The following ARHGAP31 variants were observed in gnomAD, a reference collection of about 807,000 sequenced individuals.
ARHGAP31 encodes the protein Rho GTPase activating protein 31.
A neutral mutation model predicts 113.9 loss-of-function variants in ARHGAP31; 34 were observed. The ratio of observed to expected loss-of-function variants is 0.30; its 90% CI spans 0.23 to 0.40. The LOEUF (loss-of-function observed/expected upper bound fraction) is 0.40, where lower values mean the gene tolerates loss of function less well. Ranked by LOEUF, ARHGAP31 falls within the 10% of genes least tolerant of loss-of-function variation. The pLI, the probability that ARHGAP31 is intolerant of heterozygous loss-of-function variation, is 1.00. For synonymous variants in ARHGAP31, 650 were observed against 684.8 expected, an observed-to-expected ratio of 0.95 and a Z score of 0.79; for missense variants, 1,548 against 1,767.1, an observed-to-expected ratio of 0.88 and a Z score of 2.22.
chr3:119,404,605 G>A (rs895551539), intron 10 of ARHGAP31, among the ~76,000 whole-genome samples: 2 of 152,134 alleles, frequency 1.3e-5, no homozygotes, highest in Non-Finnish European at 2.9e-5. Flanking sequence ...GTAGCAGGGG[G>A]CAAAAGAAAA....
rs887780600 is a variant in ARHGAP31, at chr3:119,407,098, C to T, written c.1646-2398C>T. Among the ~76,000 whole-genome samples the T allele has an allele frequency of 2.6e-5, 4 of 152,178 alleles. No individual in the cohort carries two copies. In the East Asian group the frequency reaches 7.7e-4, roughly 29 times the overall value. On this transcript the variant is annotated intron_variant, in intron 10 of 11. Coordinates refer to ENST00000264245, the MANE Select transcript of ARHGAP31 (RefSeq NM_020754.4). ...CGATGGCTCACATCTGTAATCCCAG[C>T]ACTTTGGGAGGCCGGGGTAGGCAGA...
chr3:119,343,076 A>G (rs1356991809), intron 1 of ARHGAP31, among the ~76,000 whole-genome samples: 1 of 152,260 alleles, frequency 6.6e-6, no homozygotes, highest in Non-Finnish European at 1.5e-5. Flanking sequence ...ACATGTCAGA[A>G]CAAATCATTC....
At chr3:119,305,295 C>T (rs72960647) in intron 1 of ARHGAP31, among the ~76,000 whole-genome samples, 3,120 of 152,292 alleles carry the variant, frequency 0.02, 103 homozygotes, top group African/African-American at 0.071. Flanking sequence ...TTTAGTTAGA[C>T]TTAATAAAAC....
intron 5 of ARHGAP31, 101 bp from the exon 6 acceptor site, chr3:119,382,983 A>G (rs1339859410): frequency 1.1e-5 from 15 of 1,405,138 alleles, no homozygotes; most frequent in South Asian, 8.1e-5. Context: ...AACTGTATCA[A>G]TTTAGGAGAT....
At chr3:119,402,504 C>G in intron 10 of ARHGAP31, 107 bp downstream of exon 10, 1 of 1,241,168 alleles carries the variant, frequency 8.1e-7, no homozygotes, top group Non-Finnish European at 1.1e-6. Flanking sequence ...CCTGTGGGCT[C>G]TAGAGCCCGA....
intron 1 of ARHGAP31, among the ~76,000 whole-genome samples, chr3:119,356,849 T>G (rs200562155): frequency 0.017 from 2,626 of 152,324 alleles, 48 homozygotes; most frequent in East Asian, 0.061. Context: ...ACTGTTGTAA[T>G]GAATAGCCTT....
At position 119,344,623 on chromosome 3, in the gene ARHGAP31, A is replaced by G. The variant is rs115034195; in HGVS notation, c.101-20693A>G. Among the ~76,000 whole-genome samples the G allele has an allele frequency of 6.6e-3, 998 of 152,210 alleles. 11 individuals are homozygous for G. Among genetic ancestry groups the G allele is most frequent in the African/African-American group, 0.023 (934 of 41,498 alleles). ...TTCCAAGCACTTCATAGATTATTTT[A>G]TCTATGTTTTGGTTTGTTTTATTTG... On this transcript the variant is annotated intron_variant, in intron 1 of 11. Coordinates refer to ENST00000264245, the MANE Select transcript of ARHGAP31 (RefSeq NM_020754.4).
chr3:119,333,750 C>G (rs921997425), intron 1 of ARHGAP31, among the ~76,000 whole-genome samples: 1 of 152,210 alleles, frequency 6.6e-6, no homozygotes, highest in Non-Finnish European at 1.5e-5. Flanking sequence ...TTCCGACTCT[C>G]ACCGTTTTAT....
At chr3:119,344,455 G>C (rs2080036922) in intron 1 of ARHGAP31, among the ~76,000 whole-genome samples, 1 of 152,176 alleles carries the variant, frequency 6.6e-6, no homozygotes, top group African/African-American at 2.4e-5. Flanking sequence ...ATGGTGCTGG[G>C]TGCTAGGAAT....
At chr3:119,345,708 G>A (rs952542092) in intron 1 of ARHGAP31, among the ~76,000 whole-genome samples, 1 of 152,162 alleles carries the variant, frequency 6.6e-6, no homozygotes, top group Non-Finnish European at 1.5e-5. Flanking sequence ...GGTAGAATAT[G>A]AGCAGAGCTT....
chr3:119,414,690 C>T lies in ARHGAP31; in HGVS notation c.2761C>T (p.Pro921Ser). 2 of 1,614,232 alleles carry T rather than the reference C, an allele frequency of 1.2e-6. No individual in the cohort carries two copies. Among genetic ancestry groups the T allele is most frequent in the Non-Finnish European group, 1.7e-6 (2 of 1,180,046 alleles). Residue 921 changes from proline (P) to serine (S), a missense_variant, in exon 12 of 12, where the codon CCC becomes TCC. Physicochemically the swap from Pro to Ser is moderately conservative, Grantham distance 74. Transcript: ENST00000264245. ...GTGGGTGACGAGTCCCCTTCACTCT[C>T]CCACCCTGAAAGACGCGCACAAGGC... ...PQWVTSPLHS[P>S]TLKDAHKAQV... is the part of the protein sequence containing the mutation.
At chr3:119,397,514 G>A (rs1490880011) in intron 8 of ARHGAP31, among the ~76,000 whole-genome samples, 1 of 152,248 alleles carries the variant, frequency 6.6e-6, no homozygotes, top group Non-Finnish European at 1.5e-5. Context: ...TTATAGATTT[G>A]TGGAAATAGC....
chr3:119,319,415 C>T (rs1325112477), intron 1 of ARHGAP31, among the ~76,000 whole-genome samples: 2 of 152,078 alleles, frequency 1.3e-5, no homozygotes, highest in East Asian at 1.9e-4. Flanking sequence ...TTCTCTGCCA[C>T]CGTCTTTTAT....
intron 8 of ARHGAP31, 104 bp from the exon 9 acceptor site, chr3:119,399,095 T>G: frequency 1.0e-6 from 1 of 999,516 alleles, no homozygotes; most frequent in South Asian, 1.3e-5. Flanking sequence ...TTGAAAAACT[T>G]TCCTAAAGAA....
intron 9 of ARHGAP31, 102 bp from the exon 10 acceptor site, chr3:119,401,720 T>G: frequency 9.3e-7 from 1 of 1,080,690 alleles, no homozygotes. Flanking sequence ...TAGAATGCTG[T>G]GCCTCTCTAG....
rs1277740112 is a variant in ARHGAP31 at position 119,296,001 on chromosome 3, T to C, written c.100+997T>C. 3.9e-5 allele frequency among the ~76,000 whole-genome samples: 6 copies of C among 152,312 alleles called. No homozygotes were observed. The South Asian group carries it at 6.2e-4, about 16-fold the overall frequency. ...AGCGAGAGGAAAATAGCCTACTATA[T>C]AGGCCATGTGTTTATACATAGATAG... On this transcript the variant is annotated intron_variant, in intron 1 of 11. Transcript: ENST00000264245.
intron 3 of ARHGAP31, among the ~76,000 whole-genome samples, chr3:119,373,271 A>G (rs1423432544): frequency 1.3e-5 from 2 of 152,200 alleles, no homozygotes; most frequent in Non-Finnish European, 2.9e-5. Context: ...AAAACATATA[A>G]TACCTCAATA....
intron 7 of ARHGAP31, among the ~76,000 whole-genome samples, chr3:119,391,589 A>ACCCC (rs368549202): frequency 3.9e-5 from 4 of 103,862 alleles, no homozygotes; most frequent in African/African-American, 7.0e-5. Flanking sequence ...CTGGGTCTCT[A>ACCCC]CCCCCCCCTC....
intron 8 of ARHGAP31, among the ~76,000 whole-genome samples, chr3:119,396,024 G>A (rs943268449): frequency 6.6e-6 from 1 of 152,182 alleles, no homozygotes; most frequent in African/African-American, 2.4e-5. Flanking sequence ...AATTTCAGTT[G>A]CAGAATCAGT....
Sources: allele counts gnomAD v4.1 joint callset (sites outside exome capture counted in the v4.1 genomes callset), GRCh38; gene constraint gnomAD v4.1.1; transcripts MANE v1.5; gene names NCBI Gene and HGNC (gene_info 2026-07-23, HGNC 2026-07-21).